Variants in PLB1 observed in about 807,000 individuals in gnomAD.
PLB1 encodes phospholipase B1.
A neutral mutation model predicts 227.4 loss-of-function variants in PLB1; 242 were observed. The ratio of observed to expected loss-of-function variants is 1.06; its 90% CI spans 0.96 to 1.18. The LOEUF is 1.18. PLB1 is among the 50% of genes most tolerant of loss of function. The pLI, the probability that PLB1 is intolerant of heterozygous loss-of-function variation, is 0.00. For missense variants in PLB1, 1,858 were observed against 1,816.3 expected, an observed-to-expected ratio of 1.02 and a Z score of -0.42; for synonymous variants, 757 against 682.2, an observed-to-expected ratio of 1.11 and a Z score of -1.71.
chr2:28,567,884 T>A (rs36113629), intron 20 of PLB1, among the ~76,000 whole-genome samples: 46,733 of 152,102 alleles, frequency 0.31, 7,589 homozygotes, highest in Middle Eastern at 0.46. Flanking sequence ...AATTGAATTC[T>A]TCCCCTGGAA....
At chr2:28,523,837 A>G (rs961631955) in intron 4 of PLB1, among the ~76,000 whole-genome samples, 4 of 152,238 alleles carry the variant, frequency 2.6e-5, no homozygotes, top group African/African-American at 7.2e-5. Context: ...CTCCTCTTGA[A>G]AAATGACTCT....
intron 43 of PLB1, among the ~76,000 whole-genome samples, chr2:28,610,093 TTTTA>T (rs144285305): frequency 0.026 from 3,885 of 152,184 alleles, 167 homozygotes; most frequent in African/African-American, 0.089. Flanking sequence ...ACACTTTCTT[TTTTA>T]TTTATTTATT....
chr2:28,573,241 G>A lies in PLB1; in HGVS notation c.1369G>A (p.Gly457Ser). The change falls in exon 21 of 58, where the codon GGC becomes AGC. Residue 457 changes from glycine to serine, a missense_variant. Transcript: ENST00000327757. ...FNPSLKGFSV[G>S]TGKETSPNAF... ...CCCTTCCCTGAAGGGCTTCTCTGTTGGCACTGGGAAAGAAACCAGTCCTAA... is the reference window on the plus strand; with the variant it reads ...CCCTTCCCTGAAGGGCTTCTCTGTTAGCACTGGGAAAGAAACCAGTCCTAA... The A allele has an allele frequency of 1.2e-6, 2 of 1,614,118 alleles. No individual in the cohort carries two copies. The highest frequency in any genetic ancestry group is 1.7e-6 in the Non-Finnish European group (2 of 1,180,010).
In PLB1 at chr2:28,565,412, CCT is replaced by C. The variant is rs1553429574; in HGVS notation, c.1280+60_1280+61del. 6.8e-6 allele frequency: 10 copies of C among 1,471,408 alleles called. No individual in the cohort carries two copies. The African/African-American group carries it at 8.3e-5, about 12-fold the overall frequency. 91.1% of individuals were successfully genotyped at this position (1,471,408 alleles called of 1,614,324 possible). A position where few individuals can be genotyped will look rare whatever the true frequency, so the allele number is the denominator to read the frequency against. On this transcript the variant is annotated intron_variant, in intron 19 of 57. Transcript: ENST00000327757. ...CTTCATTGCAGAGCAAGGGAAGCCC[CCT>C]GAGTGTTCTAGAAAACAACGCCTTA...
chr2:28,552,893 C>A, intron 16 of PLB1, 35 bp from the exon 17 acceptor site: 5 of 1,595,172 alleles, frequency 3.1e-6, no homozygotes, highest in Non-Finnish European at 4.3e-6. Context: ...TTAGAAAAAT[C>A]CATTTTCCTT....
intron 1 of PLB1, among the ~76,000 whole-genome samples, chr2:28,513,001 T>G (rs1246465188): frequency 6.6e-6 from 1 of 152,224 alleles, no homozygotes; most frequent in African/African-American, 2.4e-5. Flanking sequence ...AAATTTCTGA[T>G]TGGACCACCT....
At chr2:28,503,735 A>G (rs1029436754) in intron 1 of PLB1, among the ~76,000 whole-genome samples, 1 of 152,112 alleles carries the variant, frequency 6.6e-6, no homozygotes, top group African/African-American at 2.4e-5. Context: ...ACTTCTTTAC[A>G]TGGGGACCCA....
intron 14 of PLB1, among the ~76,000 whole-genome samples, chr2:28,545,400 C>A (rs567953825): frequency 6.6e-6 from 1 of 152,158 alleles, no homozygotes; most frequent in Non-Finnish European, 1.5e-5. Flanking sequence ...GTTCCCGGAT[C>A]GAGCACAGCT....
intron 56 of PLB1, among the ~76,000 whole-genome samples, chr2:28,637,406 T>A (rs1236472057): frequency 6.6e-6 from 1 of 152,002 alleles, no homozygotes; most frequent in East Asian, 1.9e-4. Flanking sequence ...CTGGATTCGG[T>A]ACTTTGTGAA....
At chr2:28,508,267 T>C (rs926584693) in intron 1 of PLB1, among the ~76,000 whole-genome samples, 3 of 152,144 alleles carry the variant, frequency 2.0e-5, no homozygotes, top group Non-Finnish European at 4.4e-5. Flanking sequence ...AACAAGATGA[T>C]CTTGAAGGCC....
chr2:28,567,587 C>T (rs56259631), intron 20 of PLB1, among the ~76,000 whole-genome samples: 39,781 of 149,974 alleles, frequency 0.27, 5,827 homozygotes, highest in East Asian at 0.36. Context: ...GATTCTCCTG[C>T]CTCAGCCTCC....
At chr2:28,537,692 G>T (rs1012602095) in intron 9 of PLB1, among the ~76,000 whole-genome samples, 1 of 151,544 alleles carries the variant, frequency 6.6e-6, no homozygotes, top group African/African-American at 2.4e-5. Flanking sequence ...GGTAAAGCAG[G>T]GTCCGTTTTT....
chr2:28,528,653 C>T (rs1167179280), intron 6 of PLB1, among the ~76,000 whole-genome samples: 1 of 152,258 alleles, frequency 6.6e-6, no homozygotes, highest in East Asian at 1.9e-4. Flanking sequence ...TGATTTTTCT[C>T]AGTCTCAGTT....
chr2:28,582,562 G>C, intron 25 of PLB1, 57 bp downstream of exon 25: 1 of 1,299,470 alleles, frequency 7.7e-7, no homozygotes, highest in Non-Finnish European at 1.1e-6. Context: ...AAGGGCAGTG[G>C]CACCCTTAGC....
chr2:28,587,040 C>T (rs1487237765), intron 26 of PLB1, among the ~76,000 whole-genome samples: 2 of 152,188 alleles, frequency 1.3e-5, no homozygotes, highest in African/African-American at 2.4e-5. Context: ...TGAGCCACCG[C>T]GCCAAGCCAC....
chr2:28,565,163 C>A, intron 18 of PLB1, 117 bp from the exon 19 acceptor site: 1 of 805,330 alleles, frequency 1.2e-6, no homozygotes, highest in Non-Finnish European at 2.1e-6. Context: ...GACCCTAGAT[C>A]CCAGAGAGTG....
intron 6 of PLB1, among the ~76,000 whole-genome samples, chr2:28,526,239 C>T (rs536559616): frequency 3.3e-4 from 50 of 152,136 alleles, no homozygotes; most frequent in African/African-American, 8.7e-4. Context: ...GAATGGGTGT[C>T]GGGGCCAGAG....
intron 54 of PLB1, among the ~76,000 whole-genome samples, chr2:28,631,690 G>C (rs1327097526): frequency 1.3e-5 from 2 of 152,178 alleles, no homozygotes; most frequent in Admixed American, 6.5e-5. Context: ...GAGGAGGGGA[G>C]GACTTTGGCC....
rs1206161670 is a variant in PLB1, at chr2:28,643,967, T to G, written c.*906T>G. On this transcript the variant is annotated 3_prime_UTR_variant, in exon 58 of 58. Coordinates refer to ENST00000327757, the MANE Select transcript of PLB1 (RefSeq NM_153021.5). ...TGGAGGCCTTCCACAGATGGTCTCT[T>G]TTATGCTGCACAAAAGCCCAGGGAG... Among the ~76,000 whole-genome samples the G allele has an allele frequency of 2.0e-5, 3 of 152,216 alleles. No individual in the cohort carries two copies. Among genetic ancestry groups the G allele is most frequent in the Non-Finnish European group, 4.4e-5 (3 of 68,038 alleles).
Sources: allele counts gnomAD v4.1 joint callset (sites outside exome capture counted in the v4.1 genomes callset), GRCh38; gene constraint gnomAD v4.1.1; transcripts MANE v1.5; gene names NCBI Gene and HGNC (gene_info 2026-07-23, HGNC 2026-07-21).